The following KIAA1549 variants were observed in gnomAD, a reference collection of about 807,000 sequenced individuals.
The protein encoded by KIAA1549 is KIAA1549, also known as UPF0606 protein KIAA1549.
KIAA1549 carries 70 observed loss-of-function variants against 156.4 expected under a neutral mutation model. The observed-to-expected ratio is 0.45, with a 90% CI of 0.37 to 0.55. The LOEUF is 0.55. KIAA1549 is among the 20% of genes least tolerant of loss of function. The pLI is 0.00. For synonymous variants in KIAA1549, 1,103 were observed against 1,066.4 expected, an observed-to-expected ratio of 1.03 and a Z score of -0.67; for missense variants, 2,428 against 2,540.9, an observed-to-expected ratio of 0.96 and a Z score of 0.96.
In KIAA1549 at chr7:138,899,100, G is replaced by T. The variant is rs746749231; in HGVS notation, c.3702C>A (p.Asp1234Glu). ...VVNVSRLEGD[D>E]NPVQLIYFVE... ...CAAAGTAGATGAGCTGTACCGGATT[G>T]TCATCTCCCTCCAGCCTCGACACAT... is the stretch of plus-strand genomic sequence containing the variant. The change falls in exon 9 of 20, where the codon GAC becomes GAA. Residue 1234 changes from aspartate (D) to glutamate (E), a missense_variant. Asp to Glu is a conservative substitution (Grantham distance 45). Around this residue, in one of 5 missense-constraint regions of KIAA1549, gnomAD observed 762 missense variants for 901.6 expected, o/e 0.85. Transcript: ENST00000422774. 7.4e-6 allele frequency: 12 copies of T among 1,613,774 alleles called. No individual in the cohort carries two copies. In the East Asian group the frequency reaches 1.8e-4, roughly 24 times the overall value.
At chr7:138,952,080 G>A (rs757696252) in intron 1 of KIAA1549, among the ~76,000 whole-genome samples, 2 of 152,166 alleles carry the variant, frequency 1.3e-5, no homozygotes, top group African/African-American at 2.4e-5. Flanking sequence ...ACGGGTGAAC[G>A]CACGGAAGGC....
chr7:138,892,464 T>C (rs1811571439), intron 10 of KIAA1549, among the ~76,000 whole-genome samples: 1 of 152,236 alleles, frequency 6.6e-6, no homozygotes, highest in Admixed American at 6.5e-5. Flanking sequence ...TTGATCTTAT[T>C]ACAGTGAAAT....
Position 138,976,565 on chromosome 7 carries a change from G to C in KIAA1549, c.187+4518C>G, listed in dbSNP as rs555798886. On this transcript the variant is annotated intron_variant, in intron 1 of 19. Transcript: ENST00000422774. ...TAGACTGTTAGAACTGTTCTGTTTT[G>C]TTATTATTGTTAATCTCTTACTGTG... 2.0e-5 allele frequency among the ~76,000 whole-genome samples: 3 copies of C among 152,040 alleles called. No individual in the cohort carries two copies. The South Asian group carries it at 6.2e-4, about 32-fold the overall frequency.
At chr7:138,914,278 G>A (rs1439689024) in intron 2 of KIAA1549, among the ~76,000 whole-genome samples, 1 of 152,126 alleles carries the variant, frequency 6.6e-6, no homozygotes, top group Non-Finnish European at 1.5e-5. Flanking sequence ...TAGGATATGA[G>A]GACACCAGTC....
intron 15 of KIAA1549, among the ~76,000 whole-genome samples, chr7:138,864,105 T>C (rs550802217): frequency 6.6e-6 from 1 of 152,262 alleles, no homozygotes; most frequent in East Asian, 1.9e-4. Flanking sequence ...AAAGGGTTTC[T>C]CCAGAAACAG....
Position 138,833,020 on chromosome 7 carries a change from A to C in KIAA1549, c.*4886T>G. ...AATGAAGTTCAGTTGACTATGCCAT[A>C]GAAATGTGTTTTGTGTTCACATGCT... is the stretch of plus-strand genomic sequence containing the variant. On this transcript the variant is annotated 3_prime_UTR_variant, in exon 20 of 20. Transcript: ENST00000422774. 1 of 232,118 alleles carries C rather than the reference A, an allele frequency of 4.3e-6. No homozygotes were observed. Among genetic ancestry groups the C allele is most frequent in the Middle Eastern group, 1.3e-3 (1 of 772 alleles). The allele number at this position is 232,118 out of a possible 1,614,324, so 14.4% of individuals were successfully genotyped here. A position where few individuals can be genotyped will look rare whatever the true frequency, so the allele number is the denominator to read the frequency against.
At chr7:138,960,633 A>T (rs1813815705) in intron 1 of KIAA1549, among the ~76,000 whole-genome samples, 1 of 152,158 alleles carries the variant, frequency 6.6e-6, no homozygotes. Context: ...AATTTTAAAT[A>T]CATGCTACAG....
chr7:138,891,201 T>C (rs10262284), intron 10 of KIAA1549, among the ~76,000 whole-genome samples: 52,772 of 152,232 alleles, frequency 0.35, 12,037 homozygotes, highest in African/African-American at 0.65. Context: ...CCGGATCTGG[T>C]GTGGCTCACA....
intron 1 of KIAA1549, among the ~76,000 whole-genome samples, chr7:138,969,441 T>C (rs967346320): frequency 9.9e-5 from 15 of 152,248 alleles, no homozygotes; most frequent in African/African-American, 2.7e-4. Context: ...GGTTCATCCA[T>C]GTTGTAGCAT....
At position 138,832,893 on chromosome 7, in the gene KIAA1549, T is replaced by C. The variant is rs1293895550; in HGVS notation, c.*5013A>G. 1 of 229,080 alleles carries C rather than the reference T, an allele frequency of 4.4e-6. No individual in the cohort carries two copies. The highest frequency in any genetic ancestry group is 8.7e-6 in the Non-Finnish European group (1 of 115,532). The allele number at this position is 229,080 out of a possible 1,614,324, so 14.2% of individuals were successfully genotyped here. On this transcript the variant is annotated 3_prime_UTR_variant, in exon 20 of 20. Transcript: ENST00000422774. ...CCGAAATGCACATCCTCCTTGTTCA[T>C]TAGGTAACAAGTGTTAAGTCTATCA...
intron 19 of KIAA1549, among the ~76,000 whole-genome samples, chr7:138,839,306 C>T (rs1421027301): frequency 6.6e-6 from 1 of 152,138 alleles, no homozygotes; most frequent in Non-Finnish European, 1.5e-5. Flanking sequence ...TATTTTCAAA[C>T]TTCATGAATT....
rs901017453 is a variant in KIAA1549 at position 138,947,965 on chromosome 7, G to A, written c.188-28527C>T. Among the ~76,000 whole-genome samples, 91 of 152,160 alleles carry A rather than the reference G, an allele frequency of 6.0e-4. 1 individual carries two copies. Among genetic ancestry groups the A allele is most frequent in the South Asian group, 4.2e-4 (2 of 4,810 alleles). ...TTTTGTAGAGACAGGGTTTCGCCAC[G>A]TTGCCCAGGCTGGTCTCAAACTCCT... On this transcript the variant is annotated intron_variant, in intron 1 of 19. Transcript: ENST00000422774.
intron 1 of KIAA1549, among the ~76,000 whole-genome samples, chr7:138,921,006 G>A (rs1428459417): frequency 6.6e-6 from 1 of 152,178 alleles, no homozygotes; most frequent in African/African-American, 2.4e-5. Flanking sequence ...AATAAAACAG[G>A]AGCTGCTCAA....
At chr7:138,948,836 GCATGTGCCAC>G (rs1272017948) in intron 1 of KIAA1549, among the ~76,000 whole-genome samples, 2 of 151,940 alleles carry the variant, frequency 1.3e-5, no homozygotes, top group African/African-American at 2.4e-5. Context: ...GGGATTACAG[GCATGTGCCAC>G]CATGTGCCAC....
chr7:138,838,645 AT>A (rs1299338779), intron 19 of KIAA1549, among the ~76,000 whole-genome samples: 1 of 152,172 alleles, frequency 6.6e-6, no homozygotes, highest in African/African-American at 2.4e-5. Context: ...TTTCACAAGA[AT>A]TATTACACTT....
chr7:138,868,173 T>A, intron 14 of KIAA1549, 45 bp from the exon 15 acceptor site: 1 of 1,578,250 alleles, frequency 6.3e-7, no homozygotes, highest in South Asian at 1.1e-5. Context: ...ATCACCCTTT[T>A]TGCCACTGAC....
chr7:138,941,182 C>T (rs1316871440), intron 1 of KIAA1549, among the ~76,000 whole-genome samples: 1 of 152,116 alleles, frequency 6.6e-6, no homozygotes, highest in Non-Finnish European at 1.5e-5. Context: ...TTTGTAAGAA[C>T]ATTTAATAAG....
At chr7:138,900,483 T>C (rs1811810679) in intron 8 of KIAA1549, among the ~76,000 whole-genome samples, 1 of 152,226 alleles carries the variant, frequency 6.6e-6, no homozygotes, top group Admixed American at 6.5e-5. Context: ...GTATAGTTTC[T>C]TCTTCTAGAA....
At chr7:138,861,096 C>T (rs1237316363) in intron 16 of KIAA1549, 43 bp downstream of exon 16, 3 of 1,597,506 alleles carry the variant, frequency 1.9e-6, no homozygotes, top group Admixed American at 1.7e-5. Context: ...AACAAAGCTT[C>T]AACATCTTGC....
Sources: gnomAD v4.1 joint callset for allele counts (sites outside exome capture counted in the v4.1 genomes callset) on GRCh38, gnomAD v4.1.1 for gene constraint, gnomAD v4.1.1 regional missense constraint, MANE v1.5 for transcripts, NCBI Gene and HGNC (gene_info 2026-07-23, HGNC 2026-07-21) for gene names.